The following CASS4 variants were observed in gnomAD, a reference collection of about 807,000 sequenced individuals.
The protein encoded by CASS4 is cas scaffolding protein family member 4.
CASS4 carries 22 observed loss-of-function variants against 54.2 expected under a neutral mutation model. The ratio of observed to expected loss-of-function variants is 0.41; its 90% CI spans 0.29 to 0.58. The LOEUF (loss-of-function observed/expected upper bound fraction) is 0.58. Ranked by LOEUF, CASS4 falls within the 20% of genes least tolerant of loss-of-function variation. The pLI is 0.36. For synonymous variants in CASS4, 409 were observed against 391.5 expected, an observed-to-expected ratio of 1.04 and a Z score of -0.53; for missense variants, 854 against 986.7, an observed-to-expected ratio of 0.87 and a Z score of 1.80.
chr20:56,419,148 G>A (rs1194776265), intron 1 of CASS4, among the ~76,000 whole-genome samples: 1 of 152,126 alleles, frequency 6.6e-6, no homozygotes, highest in Non-Finnish European at 1.5e-5. Flanking sequence ...GATGACTAAG[G>A]GAGGAAATGA....
chr20:56,432,746 C>A (rs990297177), intron 1 of CASS4, among the ~76,000 whole-genome samples: 1 of 152,206 alleles, frequency 6.6e-6, no homozygotes, highest in African/African-American at 2.4e-5. Context: ...CTGCTGGATT[C>A]TCCAAGCTCA....
intron 5 of CASS4, among the ~76,000 whole-genome samples, chr20:56,458,014 CAAAAAAAAAA>C (rs11355939): frequency 6.3e-4 from 48 of 76,508 alleles, no homozygotes; most frequent in African/African-American, 2.6e-3. Context: ...AACTCTGTCT[CAAAAAAAAAA>C]AAAAAAAAAA....
intron 5 of CASS4, among the ~76,000 whole-genome samples, chr20:56,456,234 C>A (rs76703772): frequency 1.3e-5 from 2 of 152,050 alleles, no homozygotes; most frequent in African/African-American, 4.8e-5. Flanking sequence ...CTAGTCAATG[C>A]GATAACCAAA....
chr20:56,428,820 T>C (rs1292070573), intron 1 of CASS4, among the ~76,000 whole-genome samples: 5 of 152,218 alleles, frequency 3.3e-5, no homozygotes, highest in African/African-American at 1.2e-4. Context: ...CCTGCTCTGC[T>C]ACCTGCTGCT....
At chr20:56,456,380 CT>C (rs35814212) in intron 5 of CASS4, among the ~76,000 whole-genome samples, 30 of 148,852 alleles carry the variant, frequency 2.0e-4, no homozygotes, top group African/African-American at 5.7e-4. Context: ...CTAAACTCTT[CT>C]TTTTTTTTTT....
At position 56,412,508 on chromosome 20, in the gene CASS4, G is replaced by A; in HGVS notation, c.36+14G>A. 1 of 1,611,146 alleles carries A rather than the reference G, an allele frequency of 6.2e-7. No individual in the cohort carries two copies. Among genetic ancestry groups the A allele is most frequent in the Non-Finnish European group, 8.5e-7 (1 of 1,178,610 alleles). ...TGTGCGCCCAAGGTGAGTGATGTGGGGCTGTTTGAATGGGCTCTGGCGGGG... is the reference window on the plus strand; with the variant it reads ...TGTGCGCCCAAGGTGAGTGATGTGGAGCTGTTTGAATGGGCTCTGGCGGGG... On this transcript the variant is annotated intron_variant, in intron 1 of 5. Coordinates refer to ENST00000679887, the MANE Select transcript of CASS4 (RefSeq NM_020356.4). The surrounding 1 kb of genome is among the most constrained non-coding windows in gnomAD (Gnocchi z 4.2).
upstream of CASS4, chr20:56,412,129 TC>T (rs755092294): frequency 1.9e-5 from 6 of 322,616 alleles, 1 homozygote; most frequent in East Asian, 1.7e-4. The surrounding 1 kb of genome is among the most constrained non-coding windows in gnomAD (Gnocchi z 4.2). Context: ...GGTGTTTTTT[TC>T]TTCTTCTTCT....
At chr20:56,421,007 C>T (rs559228153) in intron 1 of CASS4, among the ~76,000 whole-genome samples, 68 of 152,306 alleles carry the variant, frequency 4.5e-4, no homozygotes, top group African/African-American at 1.6e-3. Context: ...AAAAGAGTGG[C>T]TCCTTGCTTT....
chr20:56,431,088 T>C (rs1364346769), intron 1 of CASS4, among the ~76,000 whole-genome samples: 1 of 152,218 alleles, frequency 6.6e-6, no homozygotes, highest in African/African-American at 2.4e-5. Flanking sequence ...GGTGAAAGAA[T>C]GGATGTGAGG....
chr20:56,419,377 A>T (rs926585845), intron 1 of CASS4, among the ~76,000 whole-genome samples: 2 of 152,148 alleles, frequency 1.3e-5, no homozygotes, highest in African/African-American at 4.8e-5. Flanking sequence ...CACTGAGAAG[A>T]CTGAGAAGAA....
In CASS4 at chr20:56,459,545, C is replaced by A; in HGVS notation, c.*798C>A. 1.3e-5 allele frequency: 3 copies of A among 223,778 alleles called. No individual in the cohort carries two copies. The highest frequency in any genetic ancestry group is 1.4e-4 in the South Asian group (2 of 13,868). The allele number at this position is 223,778 out of a possible 1,614,324, so 13.9% of individuals were successfully genotyped here. On this transcript the variant is annotated 3_prime_UTR_variant, in exon 6 of 6. Transcript: ENST00000679887. ...GGCGATTTTGTTTTAATTTCTCGGTCAGGAATCACTTAATCCTGGAAGTCT... is the reference window on the plus strand; with the variant it reads ...GGCGATTTTGTTTTAATTTCTCGGTAAGGAATCACTTAATCCTGGAAGTCT...
intron 1 of CASS4, among the ~76,000 whole-genome samples, chr20:56,432,498 G>A (rs535336452): frequency 6.6e-6 from 1 of 151,324 alleles, no homozygotes; most frequent in East Asian, 2.0e-4. Context: ...CTCCCCAGTA[G>A]CTGGGACTAT....
intron 1 of CASS4, among the ~76,000 whole-genome samples, chr20:56,422,988 G>A (rs1187884046): frequency 6.6e-6 from 1 of 152,202 alleles, no homozygotes; most frequent in Non-Finnish European, 1.5e-5. Context: ...GGGAGTGTGG[G>A]AGAGAATGCG....
rs143052505 is a variant in CASS4, at chr20:56,458,486, G to A, written c.2100G>A (p.Ala700=). 4.6e-5 allele frequency: 75 copies of A among 1,614,134 alleles called. No homozygotes were observed. The highest frequency in any genetic ancestry group is 2.5e-4 in the African/African-American group (19 of 75,016). The change falls in exon 6 of 6, where the codon GCG becomes GCA. Residue 700 remains alanine (A), a synonymous_variant. Coordinates refer to ENST00000679887, the MANE Select transcript of CASS4 (RefSeq NM_020356.4). ...FHGSLSSSQP[A]EIITQSKLVI... is the part of the protein sequence containing the mutation. ...GCAGCCTCAGCAGCAGCCAGCCCGC[G>A]GAGATCATCACTCAGAGCAAGCTGG...
chr20:56,422,685 C>A (rs1979466024), intron 1 of CASS4, among the ~76,000 whole-genome samples: 1 of 152,106 alleles, frequency 6.6e-6, no homozygotes, highest in Non-Finnish European at 1.5e-5. Context: ...TAATGTGTGG[C>A]TTTTTCATCT....
chr20:56,414,892 C>T lies in CASS4; in HGVS notation c.36+2398C>T, dbSNP rs567269447. 6.6e-6 allele frequency among the ~76,000 whole-genome samples: 1 copy of T among 152,216 alleles called. No individual in the cohort carries two copies. Among genetic ancestry groups the T allele is most frequent in the East Asian group, 1.9e-4 (1 of 5,182 alleles). On this transcript the variant is annotated intron_variant, in intron 1 of 5. Coordinates refer to ENST00000679887, the MANE Select transcript of CASS4 (RefSeq NM_020356.4). The surrounding 1 kb of genome is among the most constrained non-coding windows in gnomAD (Gnocchi z 4.1). ...ATATATATATATAAATAGTAGCCAA[C>T]CCTTACCGATTGTCTACATGTGAGG...
intron 1 of CASS4, among the ~76,000 whole-genome samples, chr20:56,429,184 T>A (rs544515520): frequency 6.6e-6 from 1 of 152,294 alleles, no homozygotes; most frequent in East Asian, 1.9e-4. Flanking sequence ...TGCCTAGAGC[T>A]GCCATGCCTG....
chr20:56,435,295 C>T (rs1884834498), intron 1 of CASS4, among the ~76,000 whole-genome samples: 1 of 132,766 alleles, frequency 7.5e-6, no homozygotes, highest in Admixed American at 7.5e-5. Context: ...GAGTTGGTCA[C>T]TTTTGCTTTA....
chr20:56,425,576 T>A (rs535392725), intron 1 of CASS4, among the ~76,000 whole-genome samples: 1 of 152,340 alleles, frequency 6.6e-6, no homozygotes, highest in South Asian at 2.1e-4. Flanking sequence ...TTGGCCAAGA[T>A]TAAGATGGAC....
Sources: allele counts gnomAD v4.1 joint callset (sites outside exome capture counted in the v4.1 genomes callset), GRCh38; gene constraint gnomAD v4.1.1; non-coding constraint Gnocchi (gnomAD v3.1); transcripts MANE v1.5; gene names NCBI Gene and HGNC (gene_info 2026-07-23, HGNC 2026-07-21).